The following NPAS2 variants were observed in gnomAD, a reference collection of about 807,000 sequenced individuals.
NPAS2 encodes neuronal PAS domain protein 2.
Under a neutral mutation model 107.5 loss-of-function variants are expected in NPAS2, and 23 were observed. That is an observed-to-expected ratio of 0.21 (90% CI 0.15 to 0.30). NPAS2 has a LOEUF of 0.30. Ranked by LOEUF, NPAS2 falls within the 10% of genes least tolerant of loss-of-function variation. The probability of loss-of-function intolerance (pLI) is 1.00; values close to 1 mark genes in which losing one functional copy is unlikely to be tolerated. For missense variants in NPAS2, 756 were observed against 1,043.3 expected, an observed-to-expected ratio of 0.72 and a Z score of 3.79; for synonymous variants, 403 against 417.5, an observed-to-expected ratio of 0.97 and a Z score of 0.42.
chr2:100,950,590 A>G (rs1675162972), intron 7 of NPAS2, among the ~76,000 whole-genome samples: 1 of 152,146 alleles, frequency 6.6e-6, no homozygotes, highest in Non-Finnish European at 1.5e-5. Context: ...GTTGTATGTT[A>G]TTTGCATAAA....
At chr2:100,913,265 G>C (rs954715339) in intron 2 of NPAS2, among the ~76,000 whole-genome samples, 1 of 152,152 alleles carries the variant, frequency 6.6e-6, no homozygotes, top group Non-Finnish European at 1.5e-5. Flanking sequence ...TTGGCAGCAA[G>C]GGAGCCTGCT....
intron 2 of NPAS2, among the ~76,000 whole-genome samples, chr2:100,913,993 G>T (rs1397687549): frequency 1.3e-5 from 2 of 152,290 alleles, no homozygotes; most frequent in East Asian, 3.9e-4. Context: ...TGGGCAGCTG[G>T]GTGTGAAGTC....
intron 4 of NPAS2, among the ~76,000 whole-genome samples, chr2:100,933,600 C>T (rs1684116921): frequency 6.6e-6 from 1 of 152,128 alleles, no homozygotes; most frequent in Non-Finnish European, 1.5e-5. Flanking sequence ...TCTACAGGGC[C>T]GTATTTGTGA....
Position 100,932,284 on chromosome 2 carries a change from A to T in NPAS2, c.182-626A>T, listed in dbSNP as rs184657749. 8.5e-5 allele frequency among the ~76,000 whole-genome samples: 13 copies of T among 152,370 alleles called. 1 individual carries two copies. Among genetic ancestry groups the T allele is most frequent in the Admixed American group, 7.2e-4 (11 of 15,308 alleles). On this transcript the variant is annotated intron_variant, in intron 3 of 20. Transcript: ENST00000335681. ...AGGCCAATGACTATTTGAATTTACA[A>T]ATCGGCATAATGTCTTCAGTACAAG...
At chr2:100,923,219 T>C (rs1404406521) in intron 2 of NPAS2, among the ~76,000 whole-genome samples, 1 of 151,926 alleles carries the variant, frequency 6.6e-6, no homozygotes, top group African/African-American at 2.4e-5. Flanking sequence ...GGACAGGGCC[T>C]TTGTAGAAGG....
At chr2:100,947,829 C>G (rs1264100856) in intron 5 of NPAS2, among the ~76,000 whole-genome samples, 1 of 152,242 alleles carries the variant, frequency 6.6e-6, no homozygotes, top group East Asian at 1.9e-4. Context: ...CCCTAAGGGT[C>G]AGGAAAGGAA....
At position 100,988,070 on chromosome 2, in the gene NPAS2, T is replaced by C. The variant is rs1677879999; in HGVS notation, c.1630-9T>C. The C allele has an allele frequency of 6.2e-7, 1 of 1,613,178 alleles. No homozygotes were observed. Among genetic ancestry groups the C allele is most frequent in the African/African-American group, 1.3e-5 (1 of 74,922 alleles). On this transcript the variant is annotated splice_polypyrimidine_tract_variant and intron_variant, in intron 16 of 20. Transcript: ENST00000335681. Reference sequence around the variant, plus strand: ...CCCAACTTCACAGGCATTTCTATTCTGCTCCCAGATGTTCCTGCAGCAGCC... The same window carrying C: ...CCCAACTTCACAGGCATTTCTATTCCGCTCCCAGATGTTCCTGCAGCAGCC...
At chr2:100,917,512 G>A (rs1333811554) in intron 2 of NPAS2, among the ~76,000 whole-genome samples, 1 of 152,018 alleles carries the variant, frequency 6.6e-6, no homozygotes, top group Admixed American at 6.6e-5. Flanking sequence ...TGGGTGACAA[G>A]AGCGAAACTC....
chr2:100,906,531 T>G (rs1402614853), intron 2 of NPAS2, among the ~76,000 whole-genome samples: 3 of 152,264 alleles, frequency 2.0e-5, no homozygotes, highest in African/African-American at 7.2e-5. Context: ...TAGTGCTTTT[T>G]AAATATTCAT....
Position 100,993,571 on chromosome 2 carries a change from C to T in NPAS2, c.2292+44C>T, listed in dbSNP as rs192023968. The T allele has an allele frequency of 7.0e-3, 9,810 of 1,405,412 alleles. 51 individuals carry two copies. Among genetic ancestry groups the T allele is most frequent in the Non-Finnish European group, 8.3e-3 (8,719 of 1,054,660 alleles). The allele number at this position is 1,405,412 out of a possible 1,614,324, so 87.1% of individuals were successfully genotyped here. On this transcript the variant is annotated intron_variant, in intron 20 of 20. Coordinates refer to ENST00000335681, the MANE Select transcript of NPAS2 (RefSeq NM_002518.4). ...GGGGCCCCCGTGCAGGCCTGGGAGCCGGGCCACGCTCCACACCCGAAGTCT... is the reference window on the plus strand; with the variant it reads ...GGGGCCCCCGTGCAGGCCTGGGAGCTGGGCCACGCTCCACACCCGAAGTCT...
intron 1 of NPAS2, among the ~76,000 whole-genome samples, chr2:100,885,431 T>A (rs990978639): frequency 1.3e-5 from 2 of 152,252 alleles, no homozygotes; most frequent in Non-Finnish European, 2.9e-5. Flanking sequence ...TTTAAATTTA[T>A]AACATGCAAG....
intron 1 of NPAS2, chr2:100,877,846 C>A: frequency 2.0e-6 from 1 of 509,258 alleles, no homozygotes; most frequent in Non-Finnish European, 2.5e-6. Flanking sequence ...CTTTTTATTT[C>A]ATTTCACATA....
intron 1 of NPAS2, among the ~76,000 whole-genome samples, chr2:100,864,370 C>G (rs750384053): frequency 7.9e-5 from 12 of 152,206 alleles, no homozygotes; most frequent in Non-Finnish European, 1.6e-4. Context: ...TTTCCCTGAT[C>G]TCTTCCAAAA....
intron 12 of NPAS2, among the ~76,000 whole-genome samples, 164 bp from the exon 13 acceptor site, chr2:100,974,639 A>G (rs989207516): frequency 6.6e-6 from 1 of 152,238 alleles, no homozygotes; most frequent in Non-Finnish European, 1.5e-5. Flanking sequence ...TAGGTTACGT[A>G]TATGTATATA....
intron 5 of NPAS2, among the ~76,000 whole-genome samples, chr2:100,943,754 C>T (rs185637315): frequency 7.8e-4 from 119 of 152,288 alleles, no homozygotes; most frequent in Non-Finnish European, 7.5e-4. Flanking sequence ...CTGTACCTGT[C>T]CCCATGATAA....
intron 1 of NPAS2, among the ~76,000 whole-genome samples, chr2:100,902,081 G>A (rs10169704): frequency 0.89 from 134,334 of 150,900 alleles, 60,597 homozygotes; most frequent in African/African-American, 0.95. Flanking sequence ...AAAAAAAAAA[G>A]TAGATGCTCA....
At chr2:100,822,337 T>G (rs886607296) in intron 1 of NPAS2, among the ~76,000 whole-genome samples, 1 of 152,226 alleles carries the variant, frequency 6.6e-6, no homozygotes, top group East Asian at 1.9e-4. Flanking sequence ...AAACAACAAT[T>G]GTTTTTAAGC....
intron 1 of NPAS2, among the ~76,000 whole-genome samples, chr2:100,896,486 C>T (rs764353936): frequency 3.3e-5 from 5 of 152,150 alleles, no homozygotes; most frequent in Non-Finnish European, 7.3e-5. Flanking sequence ...CCAGCCCATT[C>T]CACCCACAGA....
chr2:100,819,230 G>A (rs972876692), upstream of NPAS2, among the ~76,000 whole-genome samples: 1 of 152,110 alleles, frequency 6.6e-6, no homozygotes, highest in Non-Finnish European at 1.5e-5. The surrounding 1 kb of genome is among the most constrained non-coding windows in gnomAD (Gnocchi z 5.8). Flanking sequence ...AAAAGGAGAG[G>A]AGGGCAGCGG....
Sources: allele counts gnomAD v4.1 joint callset (sites outside exome capture counted in the v4.1 genomes callset), GRCh38; gene constraint gnomAD v4.1.1; non-coding constraint Gnocchi (gnomAD v3.1); transcripts MANE v1.5; gene names NCBI Gene and HGNC (gene_info 2026-07-23, HGNC 2026-07-21).